The following PAX3 variants were observed in gnomAD, a reference collection of about 807,000 sequenced individuals.
PAX3 encodes paired box protein Pax-3.
Under a neutral mutation model 51.6 loss-of-function variants are expected in PAX3, and 14 were observed. The ratio of observed to expected loss-of-function variants is 0.27; its 90% confidence interval spans 0.18 to 0.42. PAX3 has a LOEUF of 0.42. PAX3 is among the 10% of genes least tolerant of loss of function. The pLI, the probability that PAX3 is intolerant of heterozygous loss-of-function variation, is 1.00. For synonymous variants in PAX3, 280 were observed against 253.4 expected (o/e 1.11, Z -1.00); for missense variants, 540 against 642.8 (o/e 0.84, Z 1.73).
chr2:222,274,256 A>T (rs1321521696), intron 4 of PAX3, among the ~76,000 whole-genome samples: 1 of 152,066 alleles, frequency 6.6e-6, no homozygotes. Flanking sequence ...CAAACTATAT[A>T]TTTGTCTTCT....
intron 5 of PAX3, among the ~76,000 whole-genome samples, chr2:222,222,086 C>A (rs954921173): frequency 4.6e-5 from 7 of 152,044 alleles, no homozygotes; most frequent in Non-Finnish European, 7.3e-5. Context: ...ACTATGCTAA[C>A]CAGGTACATT....
intron 4 of PAX3, among the ~76,000 whole-genome samples, chr2:222,241,978 G>T (rs1290613742): frequency 6.6e-6 from 1 of 152,170 alleles, no homozygotes; most frequent in East Asian, 1.9e-4. Flanking sequence ...GTCATTCTGG[G>T]TTGATTACTA....
At position 222,272,891 on chromosome 2, in the gene PAX3, C is replaced by T. The variant is rs116457523; in HGVS notation, c.586+21276G>A. On this transcript the variant is annotated intron_variant, in intron 4 of 8. Transcript: ENST00000392070. Reference sequence around the variant, plus strand: ...CATGTTGACTGCCCTCACCATGACACAGTCAGGGGACCCAGGCTTATTCAA... The same window carrying T: ...CATGTTGACTGCCCTCACCATGACATAGTCAGGGGACCCAGGCTTATTCAA... 9.8e-3 allele frequency among the ~76,000 whole-genome samples: 1,498 copies of T among 152,316 alleles called. 24 individuals carry two copies. The highest frequency in any genetic ancestry group is 0.034 in the African/African-American group (1,402 of 41,564).
chr2:222,226,895 G>A (rs1248862829), intron 5 of PAX3, among the ~76,000 whole-genome samples: 1 of 151,724 alleles, frequency 6.6e-6, no homozygotes, highest in East Asian at 2.0e-4. Context: ...GAAAGCCAGA[G>A]GCCCTTTCTC....
intron 7 of PAX3, among the ~76,000 whole-genome samples, chr2:222,218,223 T>C (rs1692041780): frequency 6.6e-6 from 1 of 152,234 alleles, no homozygotes. Context: ...GATTTTGCTC[T>C]ACCATCAACT....
chr2:222,261,090 C>A (rs961497861), intron 4 of PAX3, among the ~76,000 whole-genome samples: 2 of 152,288 alleles, frequency 1.3e-5, no homozygotes, highest in Non-Finnish European at 2.9e-5. Context: ...AGCTATTCAT[C>A]TCAATATACA....
chr2:222,202,573 A>G (rs1249176154), intron 7 of PAX3, among the ~76,000 whole-genome samples: 3 of 152,144 alleles, frequency 2.0e-5, no homozygotes, highest in Non-Finnish European at 4.4e-5. Flanking sequence ...AAAAATGTCT[A>G]TTCATACATT....
chr2:222,240,090 C>T (rs1386563419), intron 4 of PAX3, among the ~76,000 whole-genome samples: 3 of 152,072 alleles, frequency 2.0e-5, no homozygotes, highest in Non-Finnish European at 4.4e-5. Context: ...ATCAAAATAG[C>T]ACAAATAAAC....
intron 4 of PAX3, among the ~76,000 whole-genome samples, chr2:222,282,632 T>A (rs964498622): frequency 6.6e-6 from 1 of 152,176 alleles, no homozygotes; most frequent in Non-Finnish European, 1.5e-5. Context: ...ATAAGTTGCC[T>A]CTAAGTTGTT....
At chr2:222,227,451 G>A (rs914618385) in intron 5 of PAX3, among the ~76,000 whole-genome samples, 11 of 152,212 alleles carry the variant, frequency 7.2e-5, no homozygotes, top group African/African-American at 2.4e-4. Flanking sequence ...AATTAGCTGG[G>A]TGTGGTGGCA....
At chr2:222,285,653 T>C (rs1344322909) in intron 4 of PAX3, among the ~76,000 whole-genome samples, 2 of 152,240 alleles carry the variant, frequency 1.3e-5, no homozygotes, top group African/African-American at 4.8e-5. Flanking sequence ...TCATAGCAAT[T>C]AACTTTTCTT....
rs201707740 is a variant in PAX3 at position 222,284,752 on chromosome 2, T to TC, written c.586+9414dup. On this transcript the variant is annotated intron_variant, in intron 4 of 8. Transcript: ENST00000392070. ...ACTTTCTGAGTGTTCAGAGATTATT[T>TC]CCCCCCCGACCAAGACTTTTGAGTT... Among the ~76,000 whole-genome samples, 619 of 152,132 alleles carry TC rather than the reference T, an allele frequency of 4.1e-3. 5 individuals carry two copies. Among genetic ancestry groups the TC allele is most frequent in the South Asian group, 0.023 (112 of 4,822 alleles).
intron 4 of PAX3, among the ~76,000 whole-genome samples, chr2:222,241,966 C>T (rs1246992711): frequency 6.6e-6 from 1 of 152,184 alleles, no homozygotes; most frequent in Admixed American, 6.5e-5. Flanking sequence ...TTTAGAAATG[C>T]AGTCATTCTG....
At chr2:222,271,211 A>G (rs1238840569) in intron 4 of PAX3, among the ~76,000 whole-genome samples, 1 of 152,140 alleles carries the variant, frequency 6.6e-6, no homozygotes, top group Non-Finnish European at 1.5e-5. Flanking sequence ...TCTTAACCCC[A>G]AAGCCTTTCA....
In PAX3 at chr2:222,298,714, G is replaced by T; in HGVS notation, c.-99C>A. 8.3e-7 allele frequency: 1 copy of T among 1,205,768 alleles called. No homozygotes were observed. The allele number at this position is 1,205,768 out of a possible 1,614,324, so 74.7% of individuals were successfully genotyped here. A position where few individuals can be genotyped will look rare whatever the true frequency, so the allele number is the denominator to read the frequency against. On this transcript the variant is annotated 5_prime_UTR_variant, in exon 1 of 9. Transcript: ENST00000392070. The stretch of plus-strand genomic sequence containing the variant: ...CCTCGGGAACTATCCGGAGCGTGGA[G>T]AGCCCCTCCCCAAAACGGCTGGAGA...
intron 7 of PAX3, among the ~76,000 whole-genome samples, chr2:222,210,690 T>C (rs931187135): frequency 1.3e-5 from 2 of 152,160 alleles, no homozygotes; most frequent in Admixed American, 1.3e-4. Flanking sequence ...CCAGCCACCT[T>C]AGAGTTACTG....
chr2:222,273,178 A>G (rs1694308612), intron 4 of PAX3, among the ~76,000 whole-genome samples: 1 of 152,226 alleles, frequency 6.6e-6, no homozygotes, highest in African/African-American at 2.4e-5. Flanking sequence ...CTGGCAGGAC[A>G]TGTAACCTGA....
chr2:222,260,585 T>TGAGGCAAAG (rs1693819848), intron 4 of PAX3, among the ~76,000 whole-genome samples: 1 of 53,248 alleles, frequency 1.9e-5, no homozygotes, highest in Non-Finnish European at 4.1e-5. Context: ...TTTGTTTTTT[T>TGAGGCAAAG]TTTTTGTTTT....
chr2:222,241,800 A>G (rs11679619), intron 4 of PAX3, among the ~76,000 whole-genome samples: 14,234 of 152,294 alleles, frequency 0.093, 717 homozygotes, highest in Middle Eastern at 0.13. Flanking sequence ...TTGAAAGAAC[A>G]ATGGGCGTTT....
Sources: allele counts gnomAD v4.1 joint callset (sites outside exome capture counted in the v4.1 genomes callset), GRCh38; gene constraint gnomAD v4.1.1; transcripts MANE v1.5; gene names NCBI Gene and HGNC (gene_info 2026-07-23, HGNC 2026-07-21).